Variants in SEC61A2 observed in about 807,000 individuals in gnomAD.
The protein encoded by SEC61A2 is SEC61 translocon subunit alpha 2, also known as protein transport protein Sec61 subunit alpha isoform 2.
A neutral mutation model predicts 59.9 loss-of-function variants in SEC61A2; 28 were observed. That is an observed-to-expected ratio of 0.47 (90% CI 0.35 to 0.64). The LOEUF (loss-of-function observed/expected upper bound fraction) is 0.64. SEC61A2 is among the 30% of genes least tolerant of loss of function. The probability of loss-of-function intolerance (pLI) is 0.01; values close to 1 mark genes in which losing one functional copy is unlikely to be tolerated. For synonymous variants in SEC61A2, 202 were observed against 214.4 expected (o/e 0.94, Z 0.50); for missense variants, 340 against 585.9 (o/e 0.58, Z 4.33).
rs1270592923 is a variant in SEC61A2, at chr10:12,153,714, G to T, written c.463-2064G>T. 1 of 1,609,254 alleles carries T rather than the reference G, an allele frequency of 6.2e-7. No homozygotes were observed. The highest frequency in any genetic ancestry group is 1.3e-5 in the African/African-American group (1 of 74,806). ...TGTCATGTTTGATTGTAGGTGGGCA[G>T]TGACCCATTGGTGTCTTTTCAAGGC... On this transcript the variant is annotated intron_variant, in intron 6 of 11. Transcript: ENST00000298428. The surrounding 1 kb of genome is among the most constrained non-coding windows in gnomAD (Gnocchi z 5.2).
intron 4 of SEC61A2, among the ~76,000 whole-genome samples, chr10:12,148,988 CAG>C (rs1294117297): frequency 6.6e-6 from 1 of 152,220 alleles, no homozygotes; most frequent in Non-Finnish European, 1.5e-5. Context: ...AGTGATGTGA[CAG>C]AGTGGCCCAG....
chr10:12,132,134 C>G (rs7080363), intron 1 of SEC61A2, among the ~76,000 whole-genome samples: 4 of 150,180 alleles, frequency 2.7e-5, no homozygotes, highest in Non-Finnish European at 5.9e-5. Flanking sequence ...AACCCCGGCT[C>G]TACGAAAAAT....
At chr10:12,138,508 C>T (rs146792343) in intron 3 of SEC61A2, among the ~76,000 whole-genome samples, 2 of 152,270 alleles carry the variant, frequency 1.3e-5, no homozygotes, top group East Asian at 1.9e-4. Context: ...CTGTCATCCC[C>T]GAAGTTCACT....
chr10:12,132,643 A>G (rs868339825), intron 1 of SEC61A2, among the ~76,000 whole-genome samples: 1 of 134,002 alleles, frequency 7.5e-6, no homozygotes. Flanking sequence ...TAACTATAGG[A>G]GGTGATTCCA....
chr10:12,157,774 T>G, intron 8 of SEC61A2, 134 bp from the exon 9 acceptor site: 1 of 769,130 alleles, frequency 1.3e-6, no homozygotes, highest in Middle Eastern at 3.3e-4. Context: ...GTGTTGGGAT[T>G]ACAGGCCTGA....
intron 9 of SEC61A2, among the ~76,000 whole-genome samples, chr10:12,159,454 A>G (rs1345464297): frequency 6.6e-6 from 1 of 152,112 alleles, no homozygotes; most frequent in Non-Finnish European, 1.5e-5. Context: ...TTGGGAGAAC[A>G]AGGAGAGAGG....
At position 12,129,971 on chromosome 10, in the gene SEC61A2, A is replaced by G. The variant is rs1236225094; in HGVS notation, c.7+177A>G. On this transcript the variant is annotated intron_variant, in intron 1 of 11. Coordinates refer to ENST00000298428, the MANE Select transcript of SEC61A2 (RefSeq NM_018144.4). This position sits in a 1 kb window ranked among gnomAD's most constrained non-coding sequence, Gnocchi z 5.6. ...CCGCCGAGGCTCCCCTAGCCGTGCG[A>G]GGCCTTGCCCGGCGGGTACCGGGAC... Among the ~76,000 whole-genome samples, 5 of 152,078 alleles carry G rather than the reference A, an allele frequency of 3.3e-5. No homozygotes were observed. The highest frequency in any genetic ancestry group is 4.8e-5 in the African/African-American group (2 of 41,404).
At chr10:12,136,038 C>T in intron 2 of SEC61A2, 67 bp from the exon 3 acceptor site, 1 of 1,000,938 alleles carries the variant, frequency 1.0e-6, no homozygotes, top group Non-Finnish European at 1.6e-6. Flanking sequence ...CCTCAAAACT[C>T]TGCTGCCCCC....
chr10:12,165,635 A>G (rs1834656215), downstream of SEC61A2: 1 of 152,404 alleles, frequency 6.6e-6, no homozygotes, highest in African/African-American at 2.4e-5. Flanking sequence ...TTGAAAGAGC[A>G]TAGATCTTGG....
chr10:12,162,468 G>A lies in SEC61A2; in HGVS notation c.1244+179G>A. 1 of 755,310 alleles carries A rather than the reference G, an allele frequency of 1.3e-6. No individual in the cohort carries two copies. The highest frequency in any genetic ancestry group is 2.5e-5 in the East Asian group (1 of 39,982). 46.8% of individuals were successfully genotyped at this position (755,310 alleles called of 1,614,324 possible). On this transcript the variant is annotated intron_variant, in intron 11 of 11. Coordinates refer to ENST00000298428, the MANE Select transcript of SEC61A2 (RefSeq NM_018144.4). This position sits in a 1 kb window ranked among gnomAD's most constrained non-coding sequence, Gnocchi z 6.1. ...AAAACCAACACCTGAATTTTTCATT[G>A]AAATTGTGAGCACTGCTCTGCTCAT...
rs190556562 is a variant in SEC61A2, at chr10:12,140,473, A to G, written c.142-2644A>G. ...GAAATAAAATTAGAAACCAATTTTAATAATCCTACTGGTTGCAGGAAAGGA... is the reference window on the plus strand; with the variant it reads ...GAAATAAAATTAGAAACCAATTTTAGTAATCCTACTGGTTGCAGGAAAGGA... On this transcript the variant is annotated intron_variant, in intron 3 of 11. Transcript: ENST00000298428. Among the ~76,000 whole-genome samples the G allele has an allele frequency of 3.3e-5, 5 of 152,382 alleles. No individual in the cohort carries two copies. In the East Asian group the frequency reaches 5.8e-4, roughly 18 times the overall value.
intron 4 of SEC61A2, among the ~76,000 whole-genome samples, chr10:12,147,327 T>G (rs1230023183): frequency 2.0e-5 from 3 of 152,258 alleles, no homozygotes; most frequent in African/African-American, 7.2e-5. Context: ...TTGCCCAAGA[T>G]GATAAGCTAC....
intron 1 of SEC61A2, among the ~76,000 whole-genome samples, chr10:12,131,000 C>T (rs1378446509): frequency 1.3e-5 from 2 of 152,112 alleles, no homozygotes; most frequent in Non-Finnish European, 2.9e-5. Flanking sequence ...TGATGAAACC[C>T]CATCTCTACT....
At chr10:12,134,810 C>T (rs148552227) in intron 2 of SEC61A2, among the ~76,000 whole-genome samples, 1,935 of 151,472 alleles carry the variant, frequency 0.013, 32 homozygotes, top group African/African-American at 0.044. Context: ...CCCAGCTTCT[C>T]GGGAGGCTGA....
At chr10:12,135,907 G>T (rs1366449711) in intron 2 of SEC61A2, among the ~76,000 whole-genome samples, 198 bp from the exon 3 acceptor site, 4 of 152,202 alleles carry the variant, frequency 2.6e-5, no homozygotes, top group African/African-American at 9.7e-5. Context: ...GTGTGCGTGT[G>T]TGTATATGTA....
chr10:12,131,510 A>G (rs1354119439), intron 1 of SEC61A2, among the ~76,000 whole-genome samples: 1 of 152,030 alleles, frequency 6.6e-6, no homozygotes, highest in Admixed American at 6.6e-5. Context: ...ACCTTGATTT[A>G]TCTTACCTTT....
intron 3 of SEC61A2, among the ~76,000 whole-genome samples, chr10:12,136,821 G>T (rs1289092946): frequency 6.6e-6 from 1 of 151,912 alleles, no homozygotes; most frequent in Non-Finnish European, 1.5e-5. Flanking sequence ...GTAGAGATGG[G>T]GTTTCACTAT....
Position 12,153,652 on chromosome 10 carries a change from A to G in SEC61A2, c.463-2126A>G, listed in dbSNP as rs1197303118. The G allele has an allele frequency of 3.5e-6, 5 of 1,434,886 alleles. No individual in the cohort carries two copies. In the African/African-American group the frequency reaches 7.1e-5, roughly 20 times the overall value. The allele number at this position is 1,434,886 out of a possible 1,614,324, so 88.9% of individuals were successfully genotyped here. On this transcript the variant is annotated intron_variant, in intron 6 of 11. Transcript: ENST00000298428. The surrounding 1 kb of genome is among the most constrained non-coding windows in gnomAD (Gnocchi z 5.2). The stretch of plus-strand genomic sequence containing the variant: ...ATTCTGATACACAAATATGCGTGTT[A>G]TGGCTAATTCTTCTAATGTTAATAT...
At position 12,155,350 on chromosome 10, in the gene SEC61A2, T is replaced by C; in HGVS notation, c.463-428T>C. ...TTAGACTTATCCTTTGATGGCAGTG[T>C]ACATTTCCATCTTGCTATTATACCA... On this transcript the variant is annotated intron_variant, in intron 6 of 11. Coordinates refer to ENST00000298428, the MANE Select transcript of SEC61A2 (RefSeq NM_018144.4). The surrounding 1 kb of genome is among the most constrained non-coding windows in gnomAD (Gnocchi z 4.3). 6.3e-7 allele frequency: 1 copy of C among 1,583,704 alleles called. No homozygotes were observed. Among genetic ancestry groups the C allele is most frequent in the South Asian group, 1.2e-5 (1 of 86,012 alleles).
Sources: allele counts gnomAD v4.1 joint callset (sites outside exome capture counted in the v4.1 genomes callset), GRCh38; gene constraint gnomAD v4.1.1; non-coding constraint Gnocchi (gnomAD v3.1); transcripts MANE v1.5; gene names NCBI Gene and HGNC (gene_info 2026-07-23, HGNC 2026-07-21).